UBR4: variants seen among roughly 807,000 people sequenced by gnomAD.
UBR4 encodes the protein E3 ubiquitin-protein ligase UBR4.
Under a neutral mutation model 575.6 loss-of-function variants are expected in UBR4, and 124 were observed. That is an observed-to-expected ratio of 0.22 (90% CI 0.19 to 0.25). UBR4 has a LOEUF of 0.25. Among genes scored for constraint, UBR4 ranks in the 10% least tolerant of loss-of-function variants. UBR4 has a pLI of 1.00. For synonymous variants in UBR4, 2,455 were observed against 2,473.7 expected (o/e 0.99, Z 0.22); for missense variants, 4,818 against 6,478.8 (o/e 0.74, Z 8.80).
chr1:19,100,665 A>G lies in UBR4; in HGVS notation c.13024-92T>C, dbSNP rs2078531446. ...TGTTCCATGGACACTCGAGGAAAAC[A>G]CACCAAACTCAGCAAGCCCCCCAAA... is the stretch of plus-strand genomic sequence containing the variant. On this transcript the variant is annotated intron_variant, in intron 88 of 105. Transcript: ENST00000375254. This position sits in a 1 kb window ranked among gnomAD's most constrained non-coding sequence, Gnocchi z 4.2. 8.0e-7 allele frequency: 1 copy of G among 1,253,938 alleles called. No homozygotes were observed. Among genetic ancestry groups the G allele is most frequent in the Admixed American group, 1.9e-5 (1 of 52,658 alleles). 77.7% of individuals were successfully genotyped at this position (1,253,938 alleles called of 1,614,324 possible). A position where few individuals can be genotyped will look rare whatever the true frequency, so the allele number is the denominator to read the frequency against.
chr1:19,118,141 C>T (rs562640594), intron 71 of UBR4: 39 of 454,644 alleles, frequency 8.6e-5, no homozygotes, highest in Non-Finnish European at 1.2e-4. Context: ...TTGATCTATC[C>T]TTCAGAGGAA....
rs75839230 is a variant in UBR4 at position 19,203,754 on chromosome 1, T to C, written c.177-1939A>G. On this transcript the variant is annotated intron_variant, in intron 1 of 105. Coordinates refer to ENST00000375254, the MANE Select transcript of UBR4 (RefSeq NM_020765.3). The stretch of plus-strand genomic sequence containing the variant: ...AGATTAGTCCCTTAGAATAACTCCT[T>C]CACCAAGAAAAAAATATTTATGGAG... Among the ~76,000 whole-genome samples the C allele has an allele frequency of 5.4e-3, 825 of 152,268 alleles. 7 individuals carry two copies. The highest frequency in any genetic ancestry group is 9.1e-3 in the Non-Finnish European group (620 of 68,012).
rs16862541 is a variant in UBR4 at position 19,109,070 on chromosome 1, G to C, written c.12105+1026C>G. The stretch of plus-strand genomic sequence containing the variant: ...CCCCGTGCTGCCTTTTCTGAAGGCA[G>C]CTTCAATGTCCAGCTTCCCCACATC... On this transcript the variant is annotated intron_variant, in intron 81 of 105. Coordinates refer to ENST00000375254, the MANE Select transcript of UBR4 (RefSeq NM_020765.3). Among the ~76,000 whole-genome samples the C allele has an allele frequency of 4.8e-3, 727 of 152,342 alleles. 19 individuals are homozygous for C. In the East Asian group the frequency reaches 0.067, roughly 14 times the overall value.
At chr1:19,136,619 G>A (rs966560916) in intron 60 of UBR4, among the ~76,000 whole-genome samples, 2 of 152,064 alleles carry the variant, frequency 1.3e-5, no homozygotes, top group Non-Finnish European at 2.9e-5. Flanking sequence ...GAAGCACAAA[G>A]TAATAACATA....
chr1:19,190,312 A>AAAAAAATATATATATAT, intron 11 of UBR4, among the ~76,000 whole-genome samples: 1,036 of 79,196 alleles, frequency 0.013, 22 homozygotes, highest in East Asian at 0.019. Flanking sequence ...AAAAAAAAAA[A>AAAAAAATATATATATAT]ATATATATAT....
In UBR4 at chr1:19,179,229, A is replaced by G; in HGVS notation, c.2185-9T>C. 2 of 1,561,752 alleles carry G rather than the reference A, an allele frequency of 1.3e-6. No individual in the cohort carries two copies. The highest frequency in any genetic ancestry group is 1.7e-6 in the Non-Finnish European group (2 of 1,161,752). ...TGCTGCAACAGTGTGTTCTGACAAGAAAGACATGGAACAGAACATTAGCAA... is the reference window on the plus strand; with the variant it reads ...TGCTGCAACAGTGTGTTCTGACAAGGAAGACATGGAACAGAACATTAGCAA... On this transcript the variant is annotated splice_polypyrimidine_tract_variant and intron_variant, in intron 17 of 105. Coordinates refer to ENST00000375254, the MANE Select transcript of UBR4 (RefSeq NM_020765.3).
At chr1:19,162,651 T>C in intron 34 of UBR4, 40 bp from the exon 35 acceptor site, 3 of 1,570,006 alleles carry the variant, frequency 1.9e-6, no homozygotes, top group Non-Finnish European at 2.6e-6. Context: ...ATTCTCCATG[T>C]TTCATTATGT....
chr1:19,173,229 G>C lies in UBR4; in HGVS notation c.3243C>G (p.Ser1081Arg), dbSNP rs148345447. The C allele has an allele frequency of 2.5e-6, 4 of 1,614,192 alleles. No individual in the cohort carries two copies. Among genetic ancestry groups the C allele is most frequent in the Admixed American group, 1.7e-5 (1 of 60,028 alleles). Reference protein sequence around the residue: ...LLELASTTKCSSVKYDVEIVE... With the variant: ...LLELASTTKCRSVKYDVEIVE... ...CTATTTCAACATCATATTTCACTGA[G>C]CTACACTTAGTGGTGGATGCCAGTT... The change falls in exon 24 of 106, where the codon AGC becomes AGG. Residue 1081 changes from serine (S) to arginine (R), a missense_variant. Physicochemically the swap from Ser to Arg is moderately radical, Grantham distance 110. Coordinates refer to ENST00000375254, the MANE Select transcript of UBR4 (RefSeq NM_020765.3).
rs1178153527 is a variant in UBR4, at chr1:19,112,695, G to A, written c.11630C>T (p.Ser3877Leu). Residue 3877 changes from serine (S) to leucine (L), a missense_variant, in exon 78 of 106, where the codon TCG becomes TTG. Physicochemically the swap from Ser to Leu is moderately radical, Grantham distance 145. This residue lies in a region of UBR4 where 333 missense variants were observed against 459.2 expected (regional missense o/e 0.73). Coordinates refer to ENST00000375254, the MANE Select transcript of UBR4 (RefSeq NM_020765.3). ...TGTGATACAATGTTCTGTGACAGCC[G>A]AGGCGCAGCCATAGCACTTGGTGGA... Reference protein sequence around the residue: ...TSSTKCYGCASAVTEHCITLL... With the variant: ...TSSTKCYGCALAVTEHCITLL... 2.0e-5 allele frequency: 33 copies of A among 1,614,142 alleles called. No individual in the cohort carries two copies. The highest frequency in any genetic ancestry group is 2.3e-5 in the Non-Finnish European group (27 of 1,180,054).
chr1:19,083,977 A>G, intron 102 of UBR4, among the ~76,000 whole-genome samples: 1 of 152,180 alleles, frequency 6.6e-6, no homozygotes, highest in East Asian at 1.9e-4. Flanking sequence ...CACACTTGCC[A>G]GAAGCATTAC....
rs754345395 is a variant in UBR4 at position 19,122,940 on chromosome 1, C to T, written c.9709G>A (p.Val3237Met). ...TCTAGCAGCTTCTTGATCCCACGCA[C>T]GTGAGAGTCCAGGGTGTGCAAATCC... ...LRDLHTLDSHVRGIKKLLEEQ... is the reference protein window; with the variant it reads ...LRDLHTLDSHMRGIKKLLEEQ... The change falls in exon 66 of 106, where the codon GTG becomes ATG. Residue 3237 changes from valine (V) to methionine (M), a missense_variant. By Grantham distance (21) the Val-to-Met change is conservative. Coordinates refer to ENST00000375254, the MANE Select transcript of UBR4 (RefSeq NM_020765.3). 1.9e-5 allele frequency: 30 copies of T among 1,614,114 alleles called. No individual in the cohort carries two copies. The highest frequency in any genetic ancestry group is 5.5e-5 in the South Asian group (5 of 91,090).
In UBR4 at chr1:19,210,083, C is replaced by A; in HGVS notation, c.166G>T (p.Val56Phe). The change falls in exon 1 of 106, where the codon GTC (valine) becomes TTC (phenylalanine). Residue 56 changes from valine to phenylalanine, a missense_variant. By Grantham distance (50) the Val-to-Phe change is conservative. Coordinates refer to ENST00000375254, the MANE Select transcript of UBR4 (RefSeq NM_020765.3). ...GCCGCCGCCCGGTACCTCTCGATGACTGAGGCCACCAGCTGCGGCAACTCC... is the reference window on the plus strand; with the variant it reads ...GCCGCCGCCCGGTACCTCTCGATGAATGAGGCCACCAGCTGCGGCAACTCC... ...MKELPQLVAS[V>F]IESESEILHH... The A allele has an allele frequency of 6.4e-7, 1 of 1,569,196 alleles. No individual in the cohort carries two copies. Among genetic ancestry groups the A allele is most frequent in the Admixed American group, 1.8e-5 (1 of 54,280 alleles).
chr1:19,093,466 C>T lies in UBR4; in HGVS notation c.13958G>A (p.Gly4653Asp), dbSNP rs777932715. ...GCAGTCCAGGAAGACTTTATCATCA[C>T]CACTGTGATCTTCATCATATCTAGG... ...NFDKYDEDHS[G>D]DDKVFLDCFC... The change falls in exon 96 of 106, where the codon GGT (glycine) becomes GAT (aspartate). Residue 4653 changes from glycine to aspartate, a missense_variant. Transcript: ENST00000375254. This position sits in a 1 kb window ranked among gnomAD's most constrained non-coding sequence, Gnocchi z 4.8. 2 of 1,614,184 alleles carry T rather than the reference C, an allele frequency of 1.2e-6. No homozygotes were observed.
chr1:19,180,200 T>C (rs139010515), intron 17 of UBR4, among the ~76,000 whole-genome samples: 1 of 151,896 alleles, frequency 6.6e-6, no homozygotes, highest in South Asian at 2.1e-4. Context: ...TTATTTATTT[T>C]TTTTTTGAGA....
intron 86 of UBR4, 66 bp from the exon 87 acceptor site, chr1:19,104,323 A>C (rs1443141789): frequency 6.4e-7 from 1 of 1,573,656 alleles, no homozygotes; most frequent in African/African-American, 1.4e-5. Flanking sequence ...TCTGTGTCTC[A>C]AAAGATTATG....
At chr1:19,161,984 C>T (rs1219219117) in intron 35 of UBR4, 87 bp from the exon 36 acceptor site, 15 of 1,473,904 alleles carry the variant, frequency 1.0e-5, no homozygotes, top group South Asian at 2.4e-5. Flanking sequence ...CGCCCTATGG[C>T]GGGGTGAATA....
chr1:19,167,196 C>G lies in UBR4; in HGVS notation c.3935G>C (p.Arg1312Pro), dbSNP rs1010375490. 1.2e-6 allele frequency: 2 copies of G among 1,614,170 alleles called. No individual in the cohort carries two copies. Among genetic ancestry groups the G allele is most frequent in the South Asian group, 1.1e-5 (1 of 91,082 alleles). ...SDEMNPPQVI[R>P]TLLPLLLESS... is the part of the protein sequence containing the mutation. ...TTCCAAAAGAAGAGGTAGCAGTGTC[C>G]GAATTACCTGTGGTGGGTTCATCTC... Residue 1312 changes from arginine (R) to proline (P), a missense_variant, in exon 29 of 106, where the codon CGG (arginine) becomes CCG (proline). Physicochemically the swap from Arg to Pro is moderately radical, Grantham distance 103. Transcript: ENST00000375254.
At position 19,095,618 on chromosome 1, in the gene UBR4, A is replaced by AC; in HGVS notation, c.13552dup (p.Val4518GlyfsTer30). ...GACCAGTTGCTGCCGGTTGACTTTC[A>AC]CCTTCACGCAGTAACTGAACAATTT... On this transcript the variant is annotated frameshift_variant, in exon 93 of 106. Transcript: ENST00000375254. LOFTEE classifies it high-confidence loss of function. 6.2e-7 allele frequency: 1 copy of AC among 1,613,994 alleles called. No homozygotes were observed. The highest frequency in any genetic ancestry group is 8.5e-7 in the Non-Finnish European group (1 of 1,179,966).
chr1:19,181,313 G>C (rs146227510), intron 17 of UBR4, among the ~76,000 whole-genome samples: 2 of 152,006 alleles, frequency 1.3e-5, no homozygotes, highest in Non-Finnish European at 2.9e-5. Flanking sequence ...AGTACTGCTT[G>C]AGCCCAGAGT....
Sources: gnomAD v4.1 joint callset for allele counts (sites outside exome capture counted in the v4.1 genomes callset) on GRCh38, gnomAD v4.1.1 for gene constraint, gnomAD v4.1.1 regional missense constraint, Gnocchi (gnomAD v3.1) non-coding constraint, MANE v1.5 for transcripts, NCBI Gene and HGNC (gene_info 2026-07-23, HGNC 2026-07-21) for gene names.